TNKS: variants seen among roughly 807,000 people sequenced by gnomAD.
TNKS encodes poly [ADP-ribose] polymerase tankyrase-1.
A neutral mutation model predicts 135.8 loss-of-function variants in TNKS; 72 were observed. The ratio of observed to expected loss-of-function variants is 0.53; its 90% confidence interval spans 0.44 to 0.64. TNKS has a LOEUF of 0.64. TNKS is among the 30% of genes least tolerant of loss of function. TNKS has a pLI of 0.00. For synonymous variants in TNKS, 849 were observed against 649.3 expected (o/e 1.31, Z -4.68); for missense variants, 1,769 against 1,674.0 (o/e 1.06, Z -0.99).
At chr8:9,604,774 ATTTTATTTTTAT>A (rs956626487) in intron 2 of TNKS, among the ~76,000 whole-genome samples, 4 of 151,416 alleles carry the variant, frequency 2.6e-5, no homozygotes, top group Non-Finnish European at 5.9e-5. Flanking sequence ...GTATATATAT[ATTTTATTTTTAT>A]TTTTATTTTT....
chr8:9,734,534 C>T (rs112478056), intron 15 of TNKS, among the ~76,000 whole-genome samples: 24 of 152,214 alleles, frequency 1.6e-4, no homozygotes, highest in Middle Eastern at 3.4e-3. Flanking sequence ...TCAAAATTAA[C>T]ATCCATGCTA....
chr8:9,769,183 A>T (rs1190306006), intron 25 of TNKS, among the ~76,000 whole-genome samples: 1 of 152,220 alleles, frequency 6.6e-6, no homozygotes, highest in African/African-American at 2.4e-5. Context: ...ACCACAGACT[A>T]TATGTAAATG....
At chr8:9,630,102 T>TG (rs1800229392) in intron 3 of TNKS, among the ~76,000 whole-genome samples, 1 of 152,190 alleles carries the variant, frequency 6.6e-6, no homozygotes, top group Non-Finnish European at 1.5e-5. Context: ...ATATCCCGTG[T>TG]CTCCCACTGT....
intron 5 of TNKS, among the ~76,000 whole-genome samples, chr8:9,696,169 C>G (rs988358661): frequency 3.3e-5 from 5 of 151,966 alleles, no homozygotes; most frequent in African/African-American, 1.2e-4. Flanking sequence ...ATGAGCTCAC[C>G]AAAGGAATGA....
chr8:9,593,052 T>A (rs1370498804), intron 2 of TNKS, among the ~76,000 whole-genome samples: 1 of 152,234 alleles, frequency 6.6e-6, no homozygotes, highest in Non-Finnish European at 1.5e-5. Context: ...GTAAAACATT[T>A]TTTCTTGTTA....
At chr8:9,597,724 T>G (rs1798844595) in intron 2 of TNKS, among the ~76,000 whole-genome samples, 1 of 152,214 alleles carries the variant, frequency 6.6e-6, no homozygotes, top group South Asian at 2.1e-4. Context: ...AGCAGCTCTC[T>G]TTCAAGCCAA....
In TNKS at chr8:9,726,738, A is replaced by G. The variant is rs767892253; in HGVS notation, c.2001+18A>G. ...CTGTGAAGGTAAGTCAGTGCCCTTA[A>G]TATCTGGAATAGCACTGTTGAACTT... On this transcript the variant is annotated intron_variant, in intron 13 of 26. Transcript: ENST00000310430. 1 of 1,585,678 alleles carries G rather than the reference A, an allele frequency of 6.3e-7. No homozygotes were observed. The highest frequency in any genetic ancestry group is 8.6e-7 in the Non-Finnish European group (1 of 1,156,754).
chr8:9,612,572 CAGA>C lies in TNKS; in HGVS notation c.899-3002_899-3000del, dbSNP rs1221790277. ...TATTTTTAATGGTTTTTTAAAAAAT[CAGA>C]AGAAGAATATTTTATAAATTTTATA... On this transcript the variant is annotated intron_variant, in intron 2 of 26. Coordinates refer to ENST00000310430, the MANE Select transcript of TNKS (RefSeq NM_003747.3). Among the ~76,000 whole-genome samples, 6 of 151,964 alleles carry C rather than the reference CAGA, an allele frequency of 3.9e-5. No homozygotes were observed. In the East Asian group the frequency reaches 5.8e-4, roughly 15 times the overall value.
chr8:9,703,408 C>T (rs1240948770), intron 5 of TNKS, among the ~76,000 whole-genome samples: 2 of 152,144 alleles, frequency 1.3e-5, no homozygotes, highest in African/African-American at 2.4e-5. Context: ...TTTCAGATAG[C>T]GAGGATGAGT....
At chr8:9,763,337 G>A (rs985210442) in intron 22 of TNKS, 93 bp downstream of exon 22, 11 of 745,896 alleles carry the variant, frequency 1.5e-5, no homozygotes, top group East Asian at 2.9e-5. Context: ...ATTGCCTTGC[G>A]GTCACATGCC....
At chr8:9,588,149 T>C (rs1439184535) in intron 2 of TNKS, among the ~76,000 whole-genome samples, 2 of 152,218 alleles carry the variant, frequency 1.3e-5, no homozygotes, top group Non-Finnish European at 2.9e-5. Flanking sequence ...AAAATAAATT[T>C]TGTGTCAAAT....
At chr8:9,558,685 T>C (rs933953730) in intron 1 of TNKS, 4 of 152,296 alleles carry the variant, frequency 2.6e-5, no homozygotes, top group East Asian at 3.9e-4. Context: ...GTTTTATGTA[T>C]ATCCAGATAA....
intron 2 of TNKS, among the ~76,000 whole-genome samples, chr8:9,610,181 T>C (rs1296371162): frequency 6.6e-6 from 1 of 151,848 alleles, no homozygotes; most frequent in Non-Finnish European, 1.5e-5. Flanking sequence ...TTACTGTTAG[T>C]GGTAAATCAA....
intron 2 of TNKS, among the ~76,000 whole-genome samples, chr8:9,612,834 C>A (rs964375552): frequency 2.9e-5 from 4 of 137,378 alleles, no homozygotes; most frequent in Non-Finnish European, 6.3e-5. Context: ...TTTTCGATAA[C>A]ATAAACAGTC....
chr8:9,697,251 CAGA>C (rs1453615822), intron 5 of TNKS, among the ~76,000 whole-genome samples: 1 of 152,080 alleles, frequency 6.6e-6, no homozygotes, highest in Non-Finnish European at 1.5e-5. Flanking sequence ...TAGCCATATG[CAGA>C]AGAATGAAAT....
At chr8:9,714,763 A>G (rs1244056764) in intron 11 of TNKS, among the ~76,000 whole-genome samples, 2 of 152,214 alleles carry the variant, frequency 1.3e-5, no homozygotes, top group Non-Finnish European at 1.5e-5. Context: ...TGGTGGTGCA[A>G]TTAATGGAAG....
rs1281289910 is a variant in TNKS, at chr8:9,748,148, T to G, written c.2768T>G (p.Leu923Arg). The change falls in exon 18 of 27, where the codon CTA (leucine) becomes CGA (arginine). Residue 923 changes from leucine (L) to arginine (R), a missense_variant. Leu to Arg is a moderately radical substitution (Grantham distance 102). This residue lies in a region of TNKS where 722 missense variants were observed against 688.9 expected (regional missense o/e 1.05). Transcript: ENST00000310430. ...KGRTQLCALL[L>R]AHGADPTMKN... ...AGGACGCAGCTGTGCGCCCTCCTCC[T>G]AGCGCATGGTGCAGACCCCACCATG... 2 of 1,614,042 alleles carry G rather than the reference T, an allele frequency of 1.2e-6. No individual in the cohort carries two copies. Among genetic ancestry groups the G allele is most frequent in the African/African-American group, 2.7e-5 (2 of 74,914 alleles).
At chr8:9,714,151 G>A (rs985944196) in intron 11 of TNKS, among the ~76,000 whole-genome samples, 2 of 152,112 alleles carry the variant, frequency 1.3e-5, no homozygotes, top group African/African-American at 2.4e-5. Context: ...CCAAAACCTG[G>A]TAATACATAC....
At chr8:9,582,012 T>C (rs1798186771) in intron 2 of TNKS, among the ~76,000 whole-genome samples, 1 of 152,172 alleles carries the variant, frequency 6.6e-6, no homozygotes, top group African/African-American at 2.4e-5. Context: ...TTGTGCCTTA[T>C]AAAAGTTGAG....
Sources: gnomAD v4.1 joint callset for allele counts (sites outside exome capture counted in the v4.1 genomes callset) on GRCh38, gnomAD v4.1.1 for gene constraint, gnomAD v4.1.1 regional missense constraint, MANE v1.5 for transcripts, NCBI Gene and HGNC (gene_info 2026-07-23, HGNC 2026-07-21) for gene names.